Variants in PLEKHA2 observed in about 807,000 individuals in gnomAD.
PLEKHA2 encodes pleckstrin homology domain-containing family A member 2.
PLEKHA2 carries 28 observed loss-of-function variants against 53.2 expected under a neutral mutation model. The ratio of observed to expected loss-of-function variants is 0.53; its 90% CI spans 0.39 to 0.72. The LOEUF (loss-of-function observed/expected upper bound fraction) is 0.72, where lower values mean the gene tolerates loss of function less well. Among genes scored for constraint, PLEKHA2 ranks in the 30% least tolerant of loss-of-function variants. PLEKHA2 has a pLI of 0.00. For missense variants in PLEKHA2, 426 were observed against 537.9 expected (o/e 0.79, Z 2.06); for synonymous variants, 193 against 196.4 (o/e 0.98, Z 0.14).
chr8:38,905,605 C>T (rs932915568), intron 1 of PLEKHA2, among the ~76,000 whole-genome samples: 4 of 152,066 alleles, frequency 2.6e-5, no homozygotes, highest in African/African-American at 4.8e-5. Context: ...TTACGCTCCC[C>T]CCTCACCACT....
intron 6 of PLEKHA2, 26 bp from the exon 7 acceptor site, chr8:38,952,140 C>A (rs371602178): frequency 2.3e-5 from 37 of 1,603,900 alleles, no homozygotes; most frequent in Non-Finnish European, 3.0e-5. Context: ...GAGGGAGGCG[C>A]TGATACTGAC....
chr8:38,956,973 A>G lies in PLEKHA2; in HGVS notation c.774-350A>G, dbSNP rs539889013. On this transcript the variant is annotated intron_variant, in intron 9 of 11. Coordinates refer to ENST00000617275, the MANE Select transcript of PLEKHA2 (RefSeq NM_021623.2). ...TCCCACAAAGCACTTCATACACCTT[A>G]GAGGGAAGGAGGGAGGCAGGAAGGA... Among the ~76,000 whole-genome samples, 141 of 152,228 alleles carry G rather than the reference A, an allele frequency of 9.3e-4. 1 individual carries two copies. The highest frequency in any genetic ancestry group is 3.2e-3 in the African/African-American group (135 of 41,540).
rs1834090238 is a variant in PLEKHA2, at chr8:38,917,946, G to A, written c.17G>A (p.Arg6Gln). MPYVD[R>Q]QNRICGFLDI... ...AGCCCAGGAATGCCTTATGTGGATC[G>A]GCAGAACCGAATCTGTGGGTTTCTG... The change falls in exon 2 of 12, where the codon CGG becomes CAG. Residue 6 changes from arginine (R) to glutamine (Q), a missense_variant. Coordinates refer to ENST00000617275, the MANE Select transcript of PLEKHA2 (RefSeq NM_021623.2). 1.9e-6 allele frequency: 3 copies of A among 1,613,598 alleles called. No individual in the cohort carries two copies. Among genetic ancestry groups the A allele is most frequent in the South Asian group, 1.1e-5 (1 of 91,074 alleles).
intron 5 of PLEKHA2, 98 bp from the exon 6 acceptor site, chr8:38,950,752 C>T: frequency 2.8e-6 from 4 of 1,449,802 alleles, no homozygotes; most frequent in Admixed American, 2.2e-5. Flanking sequence ...TGTAATTTGG[C>T]ACATGAGCTT....
At chr8:38,959,559 T>G (rs549862817) in intron 10 of PLEKHA2, among the ~76,000 whole-genome samples, 1 of 152,304 alleles carries the variant, frequency 6.6e-6, no homozygotes, top group South Asian at 2.1e-4. Context: ...CCCAGCCCTT[T>G]TAATGACATG....
At chr8:38,946,638 T>G (rs756803536) in intron 5 of PLEKHA2, among the ~76,000 whole-genome samples, 1 of 152,208 alleles carries the variant, frequency 6.6e-6, no homozygotes, top group Non-Finnish European at 1.5e-5. Flanking sequence ...AGAGGCTGCC[T>G]GCAGGGTCAG....
In PLEKHA2 at chr8:38,952,839, A is replaced by G. The variant is rs560534261; in HGVS notation, c.702+135A>G. 116 of 851,760 alleles carry G rather than the reference A, an allele frequency of 1.4e-4. No homozygotes were observed. The African/African-American group carries it at 1.4e-3, about 10-fold the overall frequency. 52.8% of individuals were successfully genotyped at this position (851,760 alleles called of 1,614,324 possible). The stretch of plus-strand genomic sequence containing the variant: ...TCAAAGGCGCCTCTGTCTTATCTCC[A>G]TTCTGTGCACACATCTTTACAGTGA... On this transcript the variant is annotated intron_variant, in intron 8 of 11. Coordinates refer to ENST00000617275, the MANE Select transcript of PLEKHA2 (RefSeq NM_021623.2).
In PLEKHA2 at chr8:38,917,279, A is replaced by G. The variant is rs961328971; in HGVS notation, c.-23-628A>G. Reference sequence around the variant, plus strand: ...TGCTGTGCAGAAGCTTTTTAACTTGATGTGATCCCGCCTGTCCATGTTTGC... The same window carrying G: ...TGCTGTGCAGAAGCTTTTTAACTTGGTGTGATCCCGCCTGTCCATGTTTGC... On this transcript the variant is annotated intron_variant, in intron 1 of 11. Coordinates refer to ENST00000617275, the MANE Select transcript of PLEKHA2 (RefSeq NM_021623.2). 5.3e-5 allele frequency among the ~76,000 whole-genome samples: 8 copies of G among 152,016 alleles called. No individual in the cohort carries two copies. The East Asian group carries it at 1.5e-3, about 29-fold the overall frequency.
At chr8:38,908,039 T>C (rs900518564) in intron 1 of PLEKHA2, among the ~76,000 whole-genome samples, 1 of 152,112 alleles carries the variant, frequency 6.6e-6, no homozygotes, top group Non-Finnish European at 1.5e-5. Context: ...AAAATGTCAG[T>C]CCTATCTCCC....
At chr8:38,904,915 C>T (rs1833847196) in intron 1 of PLEKHA2, among the ~76,000 whole-genome samples, 1 of 152,200 alleles carries the variant, frequency 6.6e-6, no homozygotes, top group African/African-American at 2.4e-5. Context: ...GTCTGGGTGT[C>T]CAGCACTTTT....
intron 2 of PLEKHA2, among the ~76,000 whole-genome samples, chr8:38,928,793 G>A (rs1377784720): frequency 6.6e-6 from 1 of 152,202 alleles, no homozygotes; most frequent in Non-Finnish European, 1.5e-5. Flanking sequence ...TGGAGAATGG[G>A]GAGAGTAGCT....
chr8:38,916,482 A>G (rs572514774), intron 1 of PLEKHA2, among the ~76,000 whole-genome samples: 1 of 151,642 alleles, frequency 6.6e-6, no homozygotes, highest in Admixed American at 6.6e-5. Flanking sequence ...AATTGATTTG[A>G]TTTTTAGATC....
chr8:38,943,652 T>G, intron 3 of PLEKHA2, 137 bp from the exon 4 acceptor site: 1 of 664,498 alleles, frequency 1.5e-6, no homozygotes, highest in Non-Finnish European at 2.4e-6. Flanking sequence ...GAGTACAGGG[T>G]TTTCATTTAA....
At chr8:38,946,081 C>G (rs1158901664) in intron 4 of PLEKHA2, 43 bp from the exon 5 acceptor site, 2 of 1,487,186 alleles carry the variant, frequency 1.3e-6, no homozygotes, top group Admixed American at 1.9e-5. Flanking sequence ...TGCTTGTATT[C>G]TGACCTAGGA....
chr8:38,969,182 T>A (rs1222649293), intron 11 of PLEKHA2, among the ~76,000 whole-genome samples: 1 of 152,104 alleles, frequency 6.6e-6, no homozygotes, highest in Non-Finnish European at 1.5e-5. Context: ...ATTTCAGGCA[T>A]GAGCCACCAC....
intron 1 of PLEKHA2, among the ~76,000 whole-genome samples, chr8:38,907,586 T>A (rs1374055448): frequency 2.6e-5 from 4 of 152,062 alleles, no homozygotes; most frequent in Non-Finnish European, 5.9e-5. Context: ...GAGACCAGCC[T>A]GGGCAACCTA....
chr8:38,902,217 G>T (rs902063315), intron 1 of PLEKHA2: 1 of 117,178 alleles, frequency 8.5e-6, no homozygotes, highest in African/African-American at 3.8e-5. Context: ...GAAAAGAAGG[G>T]TGTGGGGGGG....
chr8:38,913,511 G>A (rs887195284), intron 1 of PLEKHA2, among the ~76,000 whole-genome samples: 3 of 152,222 alleles, frequency 2.0e-5, no homozygotes, highest in Admixed American at 1.3e-4. Flanking sequence ...GAGCTTGTGT[G>A]TTTTCTCTGG....
intron 1 of PLEKHA2, among the ~76,000 whole-genome samples, chr8:38,910,654 G>A (rs1193827253): frequency 6.6e-6 from 1 of 152,134 alleles, no homozygotes; most frequent in African/African-American, 2.4e-5. Flanking sequence ...AATTATGAAA[G>A]ATCATAGCCT....
Sources: gnomAD v4.1 joint callset for allele counts (sites outside exome capture counted in the v4.1 genomes callset) on GRCh38, gnomAD v4.1.1 for gene constraint, MANE v1.5 for transcripts, NCBI Gene and HGNC (gene_info 2026-07-23, HGNC 2026-07-21) for gene names.